Variants in CNTN4 observed in about 807,000 individuals in gnomAD.
CNTN4 encodes the protein contactin 4.
CNTN4 carries 77 observed loss-of-function variants against 122.5 expected under a neutral mutation model. That is an observed-to-expected ratio of 0.63 (90% CI 0.52 to 0.76). The LOEUF is 0.76. Ranked by LOEUF, CNTN4 falls within the 30% of genes least tolerant of loss-of-function variation. CNTN4 has a pLI of 0.00. For missense variants in CNTN4, 1,256 were observed against 1,259.1 expected (o/e 1.00, Z 0.04); for synonymous variants, 512 against 447.0 (o/e 1.15, Z -1.83).
intron 3 of CNTN4, among the ~76,000 whole-genome samples, chr3:2,544,349 CCAAGTATATTCTTAAA>C (rs1338580536): frequency 1.3e-5 from 2 of 152,006 alleles, no homozygotes; most frequent in African/African-American, 4.8e-5. Flanking sequence ...ATCCAAGAAT[CCAAGTATATTCTTAAA>C]CAAGCTTGGT....
chr3:2,340,706 TATATAGAGAGAGAG>T (rs1445057431), intron 3 of CNTN4, among the ~76,000 whole-genome samples: 5 of 24,058 alleles, frequency 2.1e-4, no homozygotes, highest in African/African-American at 4.4e-4. Flanking sequence ...TATATATATA[TATATAGAGAGAGAG>T]AGAGAGAGAG....
intron 4 of CNTN4, among the ~76,000 whole-genome samples, chr3:2,689,123 C>G (rs2085589517): frequency 6.6e-6 from 1 of 152,180 alleles, no homozygotes; most frequent in Non-Finnish European, 1.5e-5. Flanking sequence ...CAACTTAGTT[C>G]TGACTGCCAA....
chr3:2,748,748 A>G (rs1252707740), intron 6 of CNTN4, among the ~76,000 whole-genome samples: 1 of 152,224 alleles, frequency 6.6e-6, no homozygotes. Flanking sequence ...CTCCGTCTGC[A>G]TCGTCTTGAG....
chr3:2,473,778 C>T (rs1256173653), intron 3 of CNTN4, among the ~76,000 whole-genome samples: 12 of 151,978 alleles, frequency 7.9e-5, no homozygotes, highest in Non-Finnish European at 1.8e-4. Flanking sequence ...TTTGGGAGGC[C>T]GAGGTGGGCG....
At chr3:2,854,309 G>A (rs1402671324) in intron 7 of CNTN4, among the ~76,000 whole-genome samples, 2 of 76,866 alleles carry the variant, frequency 2.6e-5, no homozygotes, top group African/African-American at 1.1e-4. Context: ...TTTTGCTCTT[G>A]TTGCCCAGGC....
intron 2 of CNTN4, among the ~76,000 whole-genome samples, chr3:2,223,519 T>G (rs2039144904): frequency 1.3e-5 from 2 of 152,234 alleles, no homozygotes; most frequent in South Asian, 4.1e-4. Flanking sequence ...TCTCAGTTGC[T>G]TCATCTATGT....
chr3:2,111,695 CTTT>C (rs1193637718), intron 2 of CNTN4, among the ~76,000 whole-genome samples: 1 of 151,910 alleles, frequency 6.6e-6, no homozygotes, highest in African/African-American at 2.4e-5. Context: ...GTCATTTAAC[CTTT>C]TTTAGCTTCA....
intron 8 of CNTN4, among the ~76,000 whole-genome samples, chr3:2,871,153 G>A (rs767998784): frequency 1.7e-4 from 26 of 152,120 alleles, no homozygotes; most frequent in Non-Finnish European, 3.5e-4. Flanking sequence ...TATTAGCCAC[G>A]TGGCTTTGAA....
Position 2,120,403 on chromosome 3 carries a change from ATATTTTTTTT to A in CNTN4, c.-145+19766_-145+19775del, listed in dbSNP as rs1451541464. On this transcript the variant is annotated intron_variant, in intron 2 of 24. Coordinates refer to ENST00000418658, the MANE Select transcript of CNTN4 (RefSeq NM_175607.3). ...TATATATATATATATATATATATAT[ATATTTTTTTT>A]TTTTTTTTTATGCAGAGTCTCACTC... Among the ~76,000 whole-genome samples, 95 of 35,782 alleles carry A rather than the reference ATATTTTTTTT, an allele frequency of 2.7e-3. No homozygotes were observed. The East Asian group carries it at 0.032, about 12-fold the overall frequency. The allele number at this position is 35,782 out of a possible 152,430, so 23.5% of individuals were successfully genotyped here.
intron 12 of CNTN4, among the ~76,000 whole-genome samples, chr3:2,915,311 C>T (rs2094341861): frequency 6.6e-6 from 1 of 152,232 alleles, no homozygotes; most frequent in African/African-American, 2.4e-5. Flanking sequence ...AGTGATCCTC[C>T]TGCCTTGGCC....
intron 3 of CNTN4, among the ~76,000 whole-genome samples, chr3:2,561,823 A>G (rs1024628693): frequency 1.3e-5 from 2 of 152,130 alleles, no homozygotes; most frequent in African/African-American, 4.8e-5. Flanking sequence ...AGGAATTTTT[A>G]TTTTACTTGA....
At chr3:2,533,304 C>A (rs1174294038) in intron 3 of CNTN4, among the ~76,000 whole-genome samples, 1 of 151,842 alleles carries the variant, frequency 6.6e-6, no homozygotes, top group South Asian at 2.1e-4. Flanking sequence ...CCACAACAGG[C>A]CCTGGTGTGT....
At chr3:2,115,790 A>G (rs1164296466) in intron 2 of CNTN4, among the ~76,000 whole-genome samples, 2 of 152,208 alleles carry the variant, frequency 1.3e-5, no homozygotes, top group Non-Finnish European at 2.9e-5. Flanking sequence ...AATAATTCAT[A>G]TTGTCCAGTG....
intron 2 of CNTN4, among the ~76,000 whole-genome samples, chr3:2,122,886 T>A (rs2033894607): frequency 6.6e-6 from 1 of 152,206 alleles, no homozygotes; most frequent in Non-Finnish European, 1.5e-5. Flanking sequence ...AGGTTTATGG[T>A]TGGCTGTTGT....
At chr3:2,405,589 A>G (rs1280549210) in intron 3 of CNTN4, among the ~76,000 whole-genome samples, 1 of 104,688 alleles carries the variant, frequency 9.6e-6, no homozygotes, top group Admixed American at 1.1e-4. Context: ...ATACTGTTAT[A>G]GATAGGTAGA....
intron 2 of CNTN4, among the ~76,000 whole-genome samples, chr3:2,120,351 T>TTATATATATATATATATAAATA (rs1553568206): frequency 6.1e-4 from 28 of 45,960 alleles, no homozygotes; most frequent in African/African-American, 1.8e-3. Context: ...GGCATTTAGG[T>TTATATATATATATATATAAATA]TATATATATA....
intron 2 of CNTN4, among the ~76,000 whole-genome samples, chr3:2,280,219 C>G (rs1225728136): frequency 1.3e-5 from 2 of 152,084 alleles, no homozygotes; most frequent in African/African-American, 4.8e-5. Context: ...CTCAGCCTCC[C>G]AAAGTGCTGG....
chr3:2,778,777 G>C (rs542116779), intron 6 of CNTN4, among the ~76,000 whole-genome samples: 2 of 152,092 alleles, frequency 1.3e-5, no homozygotes, highest in Admixed American at 6.5e-5. Flanking sequence ...AATAATAGCT[G>C]ACTTTTAATG....
At chr3:2,290,225 T>C (rs1443495886) in intron 2 of CNTN4, among the ~76,000 whole-genome samples, 1 of 152,148 alleles carries the variant, frequency 6.6e-6, no homozygotes, top group East Asian at 1.9e-4. Flanking sequence ...GCGTTAGAAT[T>C]GTCCTGGCTT....
Sources: gnomAD v4.1 joint callset for allele counts (sites outside exome capture counted in the v4.1 genomes callset) on GRCh38, gnomAD v4.1.1 for gene constraint, MANE v1.5 for transcripts, NCBI Gene and HGNC (gene_info 2026-07-23, HGNC 2026-07-21) for gene names.